NYAP2: variants seen among roughly 807,000 people sequenced by gnomAD.
The protein encoded by NYAP2 is neuronal tyrosine-phosphorylated phosphoinositide-3-kinase adapter 2.
A neutral mutation model predicts 50.4 loss-of-function variants in NYAP2; 23 were observed. The ratio of observed to expected loss-of-function variants is 0.46; its 90% CI spans 0.33 to 0.65. The LOEUF is 0.65. Ranked by LOEUF, NYAP2 falls within the 30% of genes least tolerant of loss-of-function variation. NYAP2 has a pLI of 0.02. For missense variants in NYAP2, 885 were observed against 861.0 expected (o/e 1.03, Z -0.35); for synonymous variants, 394 against 365.2 (o/e 1.08, Z -0.90).
chr2:225,681,883 T>G, the NYAP2 span, among the ~76,000 whole-genome samples: 1 of 152,178 alleles, frequency 6.6e-6, no homozygotes. Flanking sequence ...GTCAACCTTA[T>G]AAGGCTGGTG....
intron 3 of NYAP2, among the ~76,000 whole-genome samples, chr2:225,499,341 G>A (rs1348752585): frequency 1.3e-5 from 2 of 150,282 alleles, no homozygotes; most frequent in African/African-American, 4.9e-5. Flanking sequence ...TTTTGACGGA[G>A]TCTTGCTCTG....
At chr2:225,611,658 A>T (rs1692887029) in intron 5 of NYAP2, among the ~76,000 whole-genome samples, 1 of 151,944 alleles carries the variant, frequency 6.6e-6, no homozygotes, top group African/African-American at 2.4e-5. Flanking sequence ...TGTAGCTCTT[A>T]TCAGAGCTCT....
chr2:225,648,285 C>G (rs1574730124), intron 6 of NYAP2, among the ~76,000 whole-genome samples: 1 of 152,092 alleles, frequency 6.6e-6, no homozygotes, highest in African/African-American at 2.4e-5. Context: ...CAGGTGTGAG[C>G]CACTGCACCC....
chr2:225,684,941 T>A, the NYAP2 span, among the ~76,000 whole-genome samples: 2 of 152,154 alleles, frequency 1.3e-5, no homozygotes, highest in African/African-American at 4.8e-5. Flanking sequence ...GAGGCCAAGA[T>A]AAGTGACATG....
downstream of NYAP2, among the ~76,000 whole-genome samples, chr2:225,654,235 A>ATCATTG (rs1693787840): frequency 2.0e-5 from 3 of 152,122 alleles, no homozygotes; most frequent in African/African-American, 7.2e-5. Flanking sequence ...GATAGGGAAC[A>ATCATTG]CCTAGCACTA....
intron 4 of NYAP2, among the ~76,000 whole-genome samples, chr2:225,546,912 C>A (rs2106207420): frequency 6.6e-6 from 1 of 152,234 alleles, no homozygotes; most frequent in East Asian, 1.9e-4. Context: ...GTGATAAATC[C>A]TTCCAGGACT....
At chr2:225,412,314 A>T (rs1695058729) in intron 3 of NYAP2, among the ~76,000 whole-genome samples, 1 of 139,712 alleles carries the variant, frequency 7.2e-6, no homozygotes, top group Non-Finnish European at 1.5e-5. Flanking sequence ...GAAGGGAGAA[A>T]ATCAGCATAT....
the NYAP2 span, among the ~76,000 whole-genome samples, chr2:225,669,725 G>T: frequency 9.6e-4 from 146 of 152,204 alleles, no homozygotes; most frequent in Middle Eastern, 3.4e-3. Flanking sequence ...ATGCTGAAAT[G>T]GAGAAAATTC....
intron 6 of NYAP2, among the ~76,000 whole-genome samples, chr2:225,631,460 A>G (rs1370595016): frequency 6.6e-6 from 1 of 152,228 alleles, no homozygotes; most frequent in Admixed American, 6.5e-5. Flanking sequence ...AAGATGGAAG[A>G]AGACATAAAT....
At chr2:225,591,139 G>A (rs1331282924) in intron 5 of NYAP2, among the ~76,000 whole-genome samples, 1 of 152,168 alleles carries the variant, frequency 6.6e-6, no homozygotes, top group Non-Finnish European at 1.5e-5. Context: ...ATGGAGCTGT[G>A]ACTCAGAACA....
the NYAP2 span, among the ~76,000 whole-genome samples, chr2:225,668,494 T>C: frequency 6.6e-6 from 1 of 152,332 alleles, no homozygotes; most frequent in Admixed American, 6.5e-5. Flanking sequence ...ATTATGTTTC[T>C]TGTATTTTCT....
intron 5 of NYAP2, among the ~76,000 whole-genome samples, chr2:225,584,000 C>T (rs1032435826): frequency 6.6e-6 from 1 of 152,156 alleles, no homozygotes; most frequent in Non-Finnish European, 1.5e-5. Context: ...CCAGATCATG[C>T]CACTGCTCTC....
the NYAP2 span, among the ~76,000 whole-genome samples, chr2:225,674,413 G>A: frequency 6.6e-6 from 1 of 152,224 alleles, no homozygotes; most frequent in East Asian, 1.9e-4. Context: ...CTTTGCTGTG[G>A]CTGTAGGAAG....
intron 3 of NYAP2, among the ~76,000 whole-genome samples, chr2:225,437,091 T>C (rs113108094): frequency 2.6e-5 from 4 of 152,186 alleles, no homozygotes; most frequent in African/African-American, 7.2e-5. Flanking sequence ...TATATATATA[T>C]ATGTATATAT....
At chr2:225,442,441 T>C (rs1689486496) in intron 3 of NYAP2, among the ~76,000 whole-genome samples, 1 of 152,198 alleles carries the variant, frequency 6.6e-6, no homozygotes, top group South Asian at 2.1e-4. Flanking sequence ...ATGAAGAAAA[T>C]GTGCATTATT....
chr2:225,431,857 T>C (rs1689265025), intron 3 of NYAP2, among the ~76,000 whole-genome samples: 1 of 152,230 alleles, frequency 6.6e-6, no homozygotes, highest in Non-Finnish European at 1.5e-5. Context: ...TTCCTATCAA[T>C]GAGCAAAGTC....
At position 225,459,717 on chromosome 2, in the gene NYAP2, T is replaced by C. The variant is rs565677299; in HGVS notation, c.221+50616T>C. On this transcript the variant is annotated intron_variant, in intron 3 of 6. Coordinates refer to ENST00000636099, the Ensembl canonical transcript of NYAP2. Reference sequence around the variant, plus strand: ...GGAGTGCAGTGACGTGATCTCAGCTTACTGCAAGCTCCACCTCCCGGGTTC... The same window carrying C: ...GGAGTGCAGTGACGTGATCTCAGCTCACTGCAAGCTCCACCTCCCGGGTTC... Among the ~76,000 whole-genome samples, 28 of 152,164 alleles carry C rather than the reference T, an allele frequency of 1.8e-4. 1 individual carries two copies. In the South Asian group the frequency reaches 5.8e-3, roughly 32 times the overall value.
chr2:225,547,903 C>G (rs1691612489), intron 4 of NYAP2, among the ~76,000 whole-genome samples: 1 of 152,144 alleles, frequency 6.6e-6, no homozygotes, highest in African/African-American at 2.4e-5. Flanking sequence ...CACCCTCAAG[C>G]TGTATATTCT....
At chr2:225,499,828 G>A (rs1191616739) in intron 3 of NYAP2, among the ~76,000 whole-genome samples, 1 of 152,074 alleles carries the variant, frequency 6.6e-6, no homozygotes, top group Non-Finnish European at 1.5e-5. Flanking sequence ...TTTAGTAAAC[G>A]AATGAGAGAC....
Sources: gnomAD v4.1 joint callset for allele counts (sites outside exome capture counted in the v4.1 genomes callset) on GRCh38, gnomAD v4.1.1 for gene constraint, MANE v1.5 for transcripts, NCBI Gene and HGNC (gene_info 2026-07-23, HGNC 2026-07-21) for gene names.